EEPD1: variants seen among roughly 807,000 people sequenced by gnomAD.
EEPD1 encodes the protein endonuclease/exonuclease/phosphatase family domain containing 1.
In EEPD1, 17 loss-of-function variants were observed where a neutral mutation model predicts 46.3. That is an observed-to-expected ratio of 0.37 (90% CI 0.25 to 0.55). EEPD1 has a LOEUF of 0.55. Ranked by LOEUF, EEPD1 falls within the 20% of genes least tolerant of loss-of-function variation. EEPD1 has a pLI of 0.83. For synonymous variants in EEPD1, 313 were observed against 315.6 expected, an observed-to-expected ratio of 0.99 and a Z score of 0.09; for missense variants, 673 against 745.6, an observed-to-expected ratio of 0.90 and a Z score of 1.13.
chr7:36,239,079 G>A (rs373735876), intron 3 of EEPD1, 43 bp downstream of exon 3: 14 of 1,591,316 alleles, frequency 8.8e-6, no homozygotes, highest in Admixed American at 1.7e-5. Context: ...AACCAAGAAC[G>A]GAGGGCCACA....
intron 2 of EEPD1, among the ~76,000 whole-genome samples, chr7:36,159,915 AG>A (rs1453128566): frequency 2.0e-5 from 3 of 152,252 alleles, no homozygotes; most frequent in African/African-American, 7.2e-5. Flanking sequence ...GTTTCTAAAT[AG>A]AAAGATGGTC....
intron 3 of EEPD1, among the ~76,000 whole-genome samples, chr7:36,273,198 T>A (rs1422235298): frequency 3.9e-5 from 6 of 152,068 alleles, no homozygotes; most frequent in Non-Finnish European, 7.4e-5. Flanking sequence ...TGAGTGTCAG[T>A]AAGTGACCCG....
intron 2 of EEPD1, among the ~76,000 whole-genome samples, chr7:36,224,248 G>A (rs945323112): frequency 6.6e-6 from 1 of 152,226 alleles, no homozygotes; most frequent in African/African-American, 2.4e-5. Context: ...CATCACCCCT[G>A]TTCAGTGGGA....
intron 4 of EEPD1, 78 bp from the exon 5 acceptor site, chr7:36,284,608 T>C: frequency 6.6e-7 from 1 of 1,525,218 alleles, no homozygotes; most frequent in African/African-American, 1.4e-5. Flanking sequence ...CCTCTCGGTC[T>C]CTCTGGCCTC....
rs563454012 is a variant in EEPD1 at position 36,170,103 on chromosome 7, C to A, written c.878+14901C>A. On this transcript the variant is annotated intron_variant, in intron 2 of 7. Coordinates refer to ENST00000242108, the MANE Select transcript of EEPD1 (RefSeq NM_030636.3). ...ATCCACAAATGACATTTTCTATGTA[C>A]GTTCAAAATTATGTATTTTGGCCGG... 7.2e-5 allele frequency among the ~76,000 whole-genome samples: 11 copies of A among 152,132 alleles called. No individual in the cohort carries two copies. In the South Asian group the frequency reaches 2.3e-3, roughly 31 times the overall value.
intron 3 of EEPD1, among the ~76,000 whole-genome samples, chr7:36,258,625 G>T (rs1174732909): frequency 1.3e-5 from 2 of 152,092 alleles, no homozygotes; most frequent in Non-Finnish European, 2.9e-5. Flanking sequence ...TGTTTACATT[G>T]TGAGGGGAAA....
Position 36,272,242 on chromosome 7 carries a change from C to G in EEPD1, c.931-8873C>G, listed in dbSNP as rs149222145. ...TTACTATGGAAGTCTTAATTCCCAT[C>G]TAGGATTAAGAGTCTTAGCATCCAA... On this transcript the variant is annotated intron_variant, in intron 3 of 7. Coordinates refer to ENST00000242108, the MANE Select transcript of EEPD1 (RefSeq NM_030636.3). 1.6e-4 allele frequency among the ~76,000 whole-genome samples: 25 copies of G among 152,206 alleles called. 1 individual carries two copies. The East Asian group carries it at 4.8e-3, about 29-fold the overall frequency.
chr7:36,180,040 C>G (rs986119073), intron 2 of EEPD1, among the ~76,000 whole-genome samples: 40 of 152,190 alleles, frequency 2.6e-4, no homozygotes, highest in African/African-American at 9.4e-4. Context: ...CAAACTGAGC[C>G]GTGGCTCCCA....
At chr7:36,285,378 T>G (rs1787327897) in intron 5 of EEPD1, among the ~76,000 whole-genome samples, 1 of 152,138 alleles carries the variant, frequency 6.6e-6, no homozygotes, top group South Asian at 2.1e-4. Context: ...GGTTTGGGTT[T>G]GGAGGGGATT....
chr7:36,237,906 A>C (rs1786486068), intron 2 of EEPD1, among the ~76,000 whole-genome samples: 1 of 152,132 alleles, frequency 6.6e-6, no homozygotes, highest in African/African-American at 2.4e-5. Context: ...AGCCAAGATC[A>C]CTCCACTGCA....
intron 2 of EEPD1, among the ~76,000 whole-genome samples, chr7:36,217,330 A>G (rs1786045731): frequency 6.6e-6 from 1 of 152,232 alleles, no homozygotes; most frequent in African/African-American, 2.4e-5. Flanking sequence ...ACTGTCACTT[A>G]CAAACTGTCA....
At chr7:36,276,530 C>G (rs1045455775) in intron 3 of EEPD1, among the ~76,000 whole-genome samples, 2 of 152,178 alleles carry the variant, frequency 1.3e-5, no homozygotes, top group African/African-American at 2.4e-5. Context: ...CATTACCTCA[C>G]AAGGTTATCT....
intron 2 of EEPD1, among the ~76,000 whole-genome samples, chr7:36,183,719 G>T (rs1247786870): frequency 6.6e-6 from 1 of 151,796 alleles, no homozygotes; most frequent in Non-Finnish European, 1.5e-5. Flanking sequence ...TTACTTTGTT[G>T]TCCAGGCTGG....
At chr7:36,244,668 G>A (rs1354304948) in intron 3 of EEPD1, among the ~76,000 whole-genome samples, 2 of 152,088 alleles carry the variant, frequency 1.3e-5, no homozygotes, top group Non-Finnish European at 2.9e-5. Context: ...TCTGGCAGAG[G>A]ATCTTCCCTG....
chr7:36,227,195 AT>A (rs1786245420), intron 2 of EEPD1, among the ~76,000 whole-genome samples: 1 of 152,206 alleles, frequency 6.6e-6, no homozygotes, highest in Non-Finnish European at 1.5e-5. Flanking sequence ...AAAATAGAAT[AT>A]ACTGTAATTG....
chr7:36,283,983 C>T (rs918541488), intron 4 of EEPD1, among the ~76,000 whole-genome samples: 14 of 152,216 alleles, frequency 9.2e-5, no homozygotes, highest in African/African-American at 2.9e-4. Context: ...CCACAAGCCC[C>T]CAGTGGCGGC....
chr7:36,215,508 G>A (rs1321009867), intron 2 of EEPD1, among the ~76,000 whole-genome samples: 1 of 152,250 alleles, frequency 6.6e-6, no homozygotes, highest in African/African-American at 2.4e-5. Context: ...ACATCCGGAA[G>A]CTGATTCCAG....
intron 2 of EEPD1, among the ~76,000 whole-genome samples, chr7:36,159,679 T>TG (rs1379910643): frequency 6.6e-6 from 1 of 152,214 alleles, no homozygotes; most frequent in African/African-American, 2.4e-5. Flanking sequence ...ATCAGGGTCT[T>TG]GGGGAAAAGG....
chr7:36,192,023 G>A (rs774444169), intron 2 of EEPD1, among the ~76,000 whole-genome samples: 2 of 152,172 alleles, frequency 1.3e-5, no homozygotes, highest in Non-Finnish European at 2.9e-5. Context: ...CTCTTTCCGC[G>A]TTGTCGAAAC....
Sources: allele counts gnomAD v4.1 joint callset (sites outside exome capture counted in the v4.1 genomes callset), GRCh38; gene constraint gnomAD v4.1.1; transcripts MANE v1.5; gene names NCBI Gene and HGNC (gene_info 2026-07-23, HGNC 2026-07-21).